Variants in EHBP1 observed in about 807,000 individuals in gnomAD.
EHBP1 encodes EH domain binding protein 1.
EHBP1 carries 55 observed loss-of-function variants against 144.0 expected under a neutral mutation model. That is an observed-to-expected ratio of 0.38 (90% CI 0.31 to 0.48). The LOEUF (loss-of-function observed/expected upper bound fraction) is 0.48. Ranked by LOEUF, EHBP1 falls within the 20% of genes least tolerant of loss-of-function variation. EHBP1 has a pLI of 0.98. For synonymous variants in EHBP1, 469 were observed against 472.7 expected, an observed-to-expected ratio of 0.99 and a Z score of 0.10; for missense variants, 1,200 against 1,364.2, an observed-to-expected ratio of 0.88 and a Z score of 1.90.
At chr2:62,746,231 C>T (rs1437523853) in intron 2 of EHBP1, among the ~76,000 whole-genome samples, 3 of 152,044 alleles carry the variant, frequency 2.0e-5, no homozygotes, top group African/African-American at 7.2e-5. Context: ...CTGGAATTGT[C>T]CTAGTGCAGG....
chr2:62,758,592 G>A (rs1306174128), intron 3 of EHBP1, among the ~76,000 whole-genome samples: 1 of 152,210 alleles, frequency 6.6e-6, no homozygotes, highest in Admixed American at 6.5e-5. Flanking sequence ...AATCAGGGCA[G>A]TTAGGATAGA....
At chr2:62,959,070 T>C (rs902612083) in intron 14 of EHBP1, among the ~76,000 whole-genome samples, 1 of 152,212 alleles carries the variant, frequency 6.6e-6, no homozygotes, top group Non-Finnish European at 1.5e-5. Flanking sequence ...ACTGTTTCGC[T>C]CTTTGATTCC....
chr2:62,743,139 T>C (rs1266420820), intron 2 of EHBP1, among the ~76,000 whole-genome samples: 2 of 152,136 alleles, frequency 1.3e-5, no homozygotes, highest in African/African-American at 2.4e-5. Context: ...GACCATGATA[T>C]CCTAAGCATT....
intron 2 of EHBP1, among the ~76,000 whole-genome samples, chr2:62,744,613 G>C (rs1024552087): frequency 6.6e-6 from 1 of 151,998 alleles, no homozygotes; most frequent in Non-Finnish European, 1.5e-5. Context: ...AAAATGTTTA[G>C]CCATCTTTGG....
chr2:63,040,829 G>T (rs1042399905), intron 21 of EHBP1, among the ~76,000 whole-genome samples: 1 of 152,188 alleles, frequency 6.6e-6, no homozygotes, highest in African/African-American at 2.4e-5. Context: ...TCACTGTGAA[G>T]ATCAGCTCTG....
intron 14 of EHBP1, 113 bp from the exon 15 acceptor site, chr2:62,979,075 A>G: frequency 9.8e-7 from 1 of 1,018,192 alleles, no homozygotes; most frequent in Non-Finnish European, 1.4e-6. Context: ...CATCCTATTT[A>G]TAATGTGGGC....
At chr2:62,791,178 T>C (rs2043145804) in intron 5 of EHBP1, among the ~76,000 whole-genome samples, 1 of 152,076 alleles carries the variant, frequency 6.6e-6, no homozygotes, top group South Asian at 2.1e-4. Context: ...TGAGGTTCTA[T>C]ATACCAACTT....
At chr2:62,910,062 GTTTT>G (rs1194886308) in intron 10 of EHBP1, among the ~76,000 whole-genome samples, 1 of 152,096 alleles carries the variant, frequency 6.6e-6, no homozygotes, top group Non-Finnish European at 1.5e-5. Flanking sequence ...GCCAGAATGT[GTTTT>G]TAATCGAAGT....
At chr2:62,681,701 A>G (rs2033537282) in intron 1 of EHBP1, among the ~76,000 whole-genome samples, 1 of 152,122 alleles carries the variant, frequency 6.6e-6, no homozygotes, top group African/African-American at 2.4e-5. Context: ...GAAGGAAATA[A>G]TGTAGCTTCT....
At chr2:62,961,494 TA>T (rs899077655) in intron 14 of EHBP1, among the ~76,000 whole-genome samples, 1 of 152,164 alleles carries the variant, frequency 6.6e-6, no homozygotes, top group Non-Finnish European at 1.5e-5. Flanking sequence ...TGAATTTTAC[TA>T]ATGTAAGTTT....
chr2:62,740,441 T>G (rs1573057600), intron 2 of EHBP1, among the ~76,000 whole-genome samples: 1 of 152,248 alleles, frequency 6.6e-6, no homozygotes, highest in East Asian at 1.9e-4. Flanking sequence ...CAGTGGTAGT[T>G]TAATAGGAGG....
chr2:62,757,667 C>T (rs901636666), intron 3 of EHBP1, among the ~76,000 whole-genome samples: 5 of 151,912 alleles, frequency 3.3e-5, no homozygotes, highest in African/African-American at 9.7e-5. Flanking sequence ...CTCCTGACCT[C>T]GAGTGATCCA....
intron 5 of EHBP1, among the ~76,000 whole-genome samples, chr2:62,775,296 T>C (rs1028581393): frequency 2.6e-5 from 4 of 152,208 alleles, no homozygotes; most frequent in African/African-American, 7.2e-5. Flanking sequence ...TGCTGATCAT[T>C]ATGTAGCAAT....
chr2:62,790,328 G>A (rs569070398), intron 5 of EHBP1, among the ~76,000 whole-genome samples: 195 of 152,182 alleles, frequency 1.3e-3, no homozygotes, highest in African/African-American at 4.7e-3. Flanking sequence ...AATAATGTGT[G>A]GGTGGTTGGA....
At chr2:62,996,612 T>C in intron 18 of EHBP1, 31 bp from the exon 19 acceptor site, 1 of 1,612,578 alleles carries the variant, frequency 6.2e-7, no homozygotes, top group Non-Finnish European at 8.5e-7. Context: ...CAAGTGATTT[T>C]TTTTTCCTTC....
intron 7 of EHBP1, among the ~76,000 whole-genome samples, chr2:62,853,105 A>T (rs1351551451): frequency 6.6e-6 from 1 of 152,214 alleles, no homozygotes; most frequent in African/African-American, 2.4e-5. Flanking sequence ...TATTTTGCTG[A>T]AAGATCTATA....
At chr2:62,684,419 A>T (rs1053771027) in intron 1 of EHBP1, among the ~76,000 whole-genome samples, 1 of 152,202 alleles carries the variant, frequency 6.6e-6, no homozygotes, top group African/African-American at 2.4e-5. Context: ...GGGCAAAGTA[A>T]AGCTTTTCAG....
At chr2:62,938,216 C>T (rs563032315) in intron 10 of EHBP1, among the ~76,000 whole-genome samples, 4 of 152,294 alleles carry the variant, frequency 2.6e-5, no homozygotes, top group South Asian at 4.1e-4. Flanking sequence ...ATAGAAAGGA[C>T]AGCCAACTGG....
At chr2:62,791,684 AG>A (rs1459395369) in intron 5 of EHBP1, among the ~76,000 whole-genome samples, 1 of 151,986 alleles carries the variant, frequency 6.6e-6, no homozygotes, top group Non-Finnish European at 1.5e-5. Flanking sequence ...ACTTTCCAAG[AG>A]AAAAATTTTA....
Sources: allele counts gnomAD v4.1 joint callset (sites outside exome capture counted in the v4.1 genomes callset), GRCh38; gene constraint gnomAD v4.1.1; transcripts MANE v1.5; gene names NCBI Gene and HGNC (gene_info 2026-07-23, HGNC 2026-07-21).